The following CACNA1D variants were observed in gnomAD, a reference collection of about 807,000 sequenced individuals.
The protein encoded by CACNA1D is calcium voltage-gated channel subunit alpha1 D.
A neutral mutation model predicts 257.1 loss-of-function variants in CACNA1D; 55 were observed. That is an observed-to-expected ratio of 0.21 (90% CI 0.17 to 0.27). CACNA1D has a LOEUF of 0.27. CACNA1D is among the 10% of genes least tolerant of loss of function. The probability of loss-of-function intolerance (pLI) is 1.00; values close to 1 mark genes in which losing one functional copy is unlikely to be tolerated. For synonymous variants in CACNA1D, 980 were observed against 1,014.9 expected, an observed-to-expected ratio of 0.97 and a Z score of 0.65; for missense variants, 1,876 against 2,784.0, an observed-to-expected ratio of 0.67 and a Z score of 7.34.
In CACNA1D at chr3:53,723,880, A is replaced by G. The variant is rs775767686; in HGVS notation, c.1981A>G (p.Ile661Val). ...ASLLLLLFLF[I>V]IIFSLLGMQL... ...GCTGTTGCTTCTGCTTTTTCTCTTCATTATCATCTTTTCCTTGCTTGGGAT... is the reference window on the plus strand; with the variant it reads ...GCTGTTGCTTCTGCTTTTTCTCTTCGTTATCATCTTTTCCTTGCTTGGGAT... The change falls in exon 14 of 48, where the codon ATT becomes GTT. Residue 661 changes from isoleucine (I) to valine (V), a missense_variant. Physicochemically the swap from Ile to Val is conservative, Grantham distance 29 (BLOSUM62 3). Coordinates refer to ENST00000350061, the MANE Select transcript of CACNA1D (RefSeq NM_001128840.3). The surrounding 1 kb of genome is among the most constrained non-coding windows in gnomAD (Gnocchi z 5.6). 1.2e-6 allele frequency: 2 copies of G among 1,614,038 alleles called. No homozygotes were observed. The highest frequency in any genetic ancestry group is 2.2e-5 in the South Asian group (2 of 91,060).
chr3:53,655,867 A>G (rs2094142948), intron 4 of CACNA1D, among the ~76,000 whole-genome samples: 1 of 152,152 alleles, frequency 6.6e-6, no homozygotes, highest in Non-Finnish European at 1.5e-5. Context: ...CTATGTCCAG[A>G]ATGGTATTGC....
chr3:53,679,687 A>G (rs2094411020), intron 8 of CACNA1D: 1 of 152,256 alleles, frequency 6.6e-6, no homozygotes, highest in South Asian at 2.1e-4. Context: ...AGAATGCTAA[A>G]GACACCCTTA....
chr3:53,681,766 G>T (rs1300198505), intron 8 of CACNA1D, among the ~76,000 whole-genome samples: 1 of 152,218 alleles, frequency 6.6e-6, no homozygotes, highest in African/African-American at 2.4e-5. Context: ...CTGTGAGAGG[G>T]TTTAACAGGC....
At chr3:53,674,977 C>T (rs572894564) in intron 8 of CACNA1D, among the ~76,000 whole-genome samples, 1 of 152,352 alleles carries the variant, frequency 6.6e-6, no homozygotes, top group East Asian at 1.9e-4. Context: ...TAGTGAAAGG[C>T]TTTAATCGCA....
Position 53,800,805 on chromosome 3 carries a change from T to C in CACNA1D, c.5041-253T>C. On this transcript the variant is annotated intron_variant, in intron 41 of 47. Coordinates refer to ENST00000350061, the MANE Select transcript of CACNA1D (RefSeq NM_001128840.3). This position sits in a 1 kb window ranked among gnomAD's most constrained non-coding sequence, Gnocchi z 4.3. ...ATAAGTCACCCCAACTTGGAGCAAC[T>C]GGAAGAGCACACTCGAGTGACAGCC... The C allele has an allele frequency of 1.7e-6, 1 of 577,014 alleles. No individual in the cohort carries two copies. Among genetic ancestry groups the C allele is most frequent in the South Asian group, 2.0e-5 (1 of 50,828 alleles). The allele number at this position is 577,014 out of a possible 1,614,324, so 35.7% of individuals were successfully genotyped here. A position where few individuals can be genotyped will look rare whatever the true frequency, so the allele number is the denominator to read the frequency against.
rs1201457518 is a variant in CACNA1D at position 53,572,366 on chromosome 3, G to GTTTA, written c.483+70649_483+70650insATTT. Among the ~76,000 whole-genome samples, 599 of 60,058 alleles carry GTTTA rather than the reference G, an allele frequency of 1.0e-2. 2 individuals are homozygous for GTTTA. Among genetic ancestry groups the GTTTA allele is most frequent in the South Asian group, 0.018 (37 of 2,080 alleles). 39.4% of individuals were successfully genotyped at this position (60,058 alleles called of 152,430 possible). ...GGCCCTCTCTGCCTCTGGTTTGTTT[G>GTTTA]TTTGTTTGTTTATTTATTTATTTAT... On this transcript the variant is annotated intron_variant, in intron 3 of 47. Coordinates refer to ENST00000350061, the MANE Select transcript of CACNA1D (RefSeq NM_001128840.3).
At chr3:53,746,210 A>G (rs1252780883) in intron 25 of CACNA1D, among the ~76,000 whole-genome samples, 1 of 152,178 alleles carries the variant, frequency 6.6e-6, no homozygotes, top group Non-Finnish European at 1.5e-5. Context: ...GGGAACCCTG[A>G]AATAACAATT....
chr3:53,683,846 A>G (rs1366299454), intron 8 of CACNA1D, among the ~76,000 whole-genome samples: 1 of 152,198 alleles, frequency 6.6e-6, no homozygotes, highest in African/African-American at 2.4e-5. Flanking sequence ...CAGGAGAATA[A>G]AGAGATTGAG....
chr3:53,675,183 T>C (rs1056718974), intron 8 of CACNA1D, among the ~76,000 whole-genome samples: 10 of 152,182 alleles, frequency 6.6e-5, no homozygotes, highest in Admixed American at 2.0e-4. Flanking sequence ...GAGTGGGGGC[T>C]GAGCCTGGGA....
At chr3:53,758,219 G>T (rs948711662) in intron 29 of CACNA1D, among the ~76,000 whole-genome samples, 2 of 152,162 alleles carry the variant, frequency 1.3e-5, no homozygotes, top group African/African-American at 4.8e-5. Context: ...TTAGAAAGCT[G>T]TCAGGCATAG....
At chr3:53,517,014 C>T (rs1181152024) in intron 3 of CACNA1D, among the ~76,000 whole-genome samples, 3 of 152,166 alleles carry the variant, frequency 2.0e-5, no homozygotes, top group Non-Finnish European at 2.9e-5. Context: ...TGCTCTGTAA[C>T]TTTACTTCGT....
intron 9 of CACNA1D, among the ~76,000 whole-genome samples, chr3:53,713,229 T>C (rs2094779523): frequency 6.6e-6 from 1 of 152,208 alleles, no homozygotes. Context: ...CCTGCAGTTA[T>C]AGCAGGTCAG....
intron 3 of CACNA1D, among the ~76,000 whole-genome samples, chr3:53,646,816 A>AGAAG (rs2094026124): frequency 6.6e-6 from 1 of 152,230 alleles, no homozygotes; most frequent in Admixed American, 6.5e-5. Context: ...GCTCGGGGAT[A>AGAAG]GATGGATAGA....
At chr3:53,759,306 G>A in intron 29 of CACNA1D, among the ~76,000 whole-genome samples, 1 of 152,240 alleles carries the variant, frequency 6.6e-6, no homozygotes, top group Non-Finnish European at 1.5e-5. Context: ...TGGCCTGAAG[G>A]GGAGAACACT....
intron 4 of CACNA1D, among the ~76,000 whole-genome samples, chr3:53,659,574 A>G (rs1283326019): frequency 6.6e-6 from 1 of 152,240 alleles, no homozygotes; most frequent in Non-Finnish European, 1.5e-5. Flanking sequence ...AGCAGAACAG[A>G]CTAAAACTCC....
At chr3:53,681,864 A>G (rs76832750) in intron 8 of CACNA1D, among the ~76,000 whole-genome samples, 46,972 of 152,018 alleles carry the variant, frequency 0.31, 7,294 homozygotes, top group Middle Eastern at 0.4. Flanking sequence ...ACAAGAAGCT[A>G]GGGCAAGGGT....
At chr3:53,675,127 G>C (rs56055558) in intron 8 of CACNA1D, among the ~76,000 whole-genome samples, 116 of 152,322 alleles carry the variant, frequency 7.6e-4, no homozygotes, top group African/African-American at 2.6e-3. Context: ...GTCACAGGAA[G>C]TCCCTATGTA....
intron 3 of CACNA1D, among the ~76,000 whole-genome samples, chr3:53,572,688 C>T (rs188998665): frequency 7.0e-4 from 106 of 152,350 alleles, no homozygotes; most frequent in African/African-American, 2.3e-3. Context: ...GCGTGAGCCA[C>T]AGTGCCCAGC....
At chr3:53,627,121 C>G (rs1361650555) in intron 3 of CACNA1D, among the ~76,000 whole-genome samples, 1 of 152,254 alleles carries the variant, frequency 6.6e-6, no homozygotes, top group Non-Finnish European at 1.5e-5. Flanking sequence ...TGACAGGCAT[C>G]TACGTGCAGA....
Sources: gnomAD v4.1 joint callset for allele counts (sites outside exome capture counted in the v4.1 genomes callset) on GRCh38, gnomAD v4.1.1 for gene constraint, Gnocchi (gnomAD v3.1) non-coding constraint, MANE v1.5 for transcripts, NCBI Gene and HGNC (gene_info 2026-07-23, HGNC 2026-07-21) for gene names.